Variants in NCOR2 observed in about 807,000 individuals in gnomAD.
The protein encoded by NCOR2 is nuclear receptor corepressor 2.
NCOR2 carries 81 observed loss-of-function variants against 262.9 expected under a neutral mutation model. That is an observed-to-expected ratio of 0.31 (90% CI 0.26 to 0.37). The LOEUF (loss-of-function observed/expected upper bound fraction) is 0.37. NCOR2 is among the 10% of genes least tolerant of loss of function. NCOR2 has a pLI of 1.00. For synonymous variants in NCOR2, 1,659 were observed against 1,559.3 expected (o/e 1.06, Z -1.51); for missense variants, 3,385 against 3,621.4 (o/e 0.93, Z 1.68).
chr12:124,543,549 G>A (rs910516178), intron 1 of NCOR2, among the ~76,000 whole-genome samples: 23 of 152,172 alleles, frequency 1.5e-4, no homozygotes, highest in African/African-American at 4.6e-4. Flanking sequence ...CCCCGACAGC[G>A]CCGTGGATTT....
In NCOR2 at chr12:124,457,748, C is replaced by T. The variant is rs1041462742; in HGVS notation, c.706-586G>A. Among the ~76,000 whole-genome samples the T allele has an allele frequency of 2.0e-5, 3 of 152,216 alleles. No individual in the cohort carries two copies. Among genetic ancestry groups the T allele is most frequent in the South Asian group, 2.1e-4 (1 of 4,830 alleles). On this transcript the variant is annotated intron_variant, in intron 5 of 46. Coordinates refer to ENST00000405201, the Ensembl canonical transcript of NCOR2. This position sits in a 1 kb window ranked among gnomAD's most constrained non-coding sequence, Gnocchi z 4.0. ...TGGGGACTTATTAGGAAAACAGGAA[C>T]ATGTGGCGCAGGGCTCGGTGGCCGC...
intron 13 of NCOR2, among the ~76,000 whole-genome samples, chr12:124,407,248 A>G (rs891745470): frequency 3.3e-5 from 5 of 152,252 alleles, no homozygotes; most frequent in African/African-American, 9.6e-5. Context: ...TAGGTTGACA[A>G]AGACAGGCCA....
intron 5 of NCOR2, among the ~76,000 whole-genome samples, chr12:124,461,129 G>A (rs1252023283): frequency 6.6e-6 from 1 of 152,254 alleles, no homozygotes; most frequent in Admixed American, 6.5e-5. Context: ...CAACCTGGGG[G>A]AGAAGGGAAA....
chr12:124,418,247 T>A (rs745996147), intron 13 of NCOR2, among the ~76,000 whole-genome samples: 2 of 152,090 alleles, frequency 1.3e-5, no homozygotes, highest in African/African-American at 4.8e-5. Context: ...CCTTCCACGA[T>A]CCCTGCGGAT....
chr12:124,499,596 A>C (rs939051538), upstream of NCOR2, among the ~76,000 whole-genome samples: 1 of 152,124 alleles, frequency 6.6e-6, no homozygotes, highest in African/African-American at 2.4e-5. Context: ...CTTGGGGGTG[A>C]GCCCCCGCCA....
chr12:124,383,352 C>T, intron 17 of NCOR2: 2 of 216,340 alleles, frequency 9.2e-6, no homozygotes, highest in African/African-American at 2.3e-5. Flanking sequence ...TGTGGCTGTG[C>T]CTGCACGCAC....
At chr12:124,380,231 G>A (rs1265452335) in intron 17 of NCOR2, among the ~76,000 whole-genome samples, 1 of 152,246 alleles carries the variant, frequency 6.6e-6, no homozygotes, top group Non-Finnish European at 1.5e-5. Context: ...GCCTCATGGA[G>A]GGGAGGAGAG....
chr12:124,382,154 G>T (rs988689876), intron 17 of NCOR2, among the ~76,000 whole-genome samples: 9 of 152,248 alleles, frequency 5.9e-5, no homozygotes, highest in Admixed American at 5.2e-4. Flanking sequence ...TCCTCCCTGG[G>T]ACTGAAAGGC....
rs375449858 is a variant in NCOR2 at position 124,336,933 on chromosome 12, G to A, written c.5935C>T (p.Arg1979Trp). The A allele has an allele frequency of 2.2e-5, 35 of 1,567,522 alleles. No homozygotes were observed. In the East Asian group the frequency reaches 4.5e-4, roughly 20 times the overall value. ...CCAGAGACAGGAGGCACTAGGGGCCGGGGCTCCGAGCCCTTGCTGGGGGAG... is the reference window on the plus strand; with the variant it reads ...CCAGAGACAGGAGGCACTAGGGGCCAGGGCTCCGAGCCCTTGCTGGGGGAG... The change falls in exon 38 of 47, where the codon CGG becomes TGG. Residue 1979 changes from arginine to tryptophan, a missense_variant. By Grantham distance (101) the Arg-to-Trp change is moderately radical. Around this residue, in one of 5 missense-constraint regions of NCOR2, gnomAD observed 1,017 missense variants for 967.2 expected, o/e 1.05. Coordinates refer to ENST00000405201, the Ensembl canonical transcript of NCOR2.
In NCOR2 at chr12:124,504,176, C is replaced by T. The variant is rs1017780646; in HGVS notation, c.-117-8808G>A. On this transcript the variant is annotated intron_variant, in intron 1 of 46. Coordinates refer to the NCOR2 transcript ENST00000404621. The surrounding 1 kb of genome is among the most constrained non-coding windows in gnomAD (Gnocchi z 4.5). ...TTCGAGGAGAAAGGCCGAGAGGACT[C>T]CAGCCTGGGAATCCTCCTCCTTGAC... Among the ~76,000 whole-genome samples the T allele has an allele frequency of 4.6e-5, 7 of 152,198 alleles. No homozygotes were observed. The highest frequency in any genetic ancestry group is 1.7e-4 in the African/African-American group (7 of 41,448).
intron 1 of NCOR2, among the ~76,000 whole-genome samples, chr12:124,487,187 G>A (rs1040178641): frequency 1.3e-5 from 2 of 152,226 alleles, no homozygotes; most frequent in African/African-American, 2.4e-5. Context: ...GGCAGGGTGG[G>A]TAAGTGATGC....
At chr12:124,338,754 C>G (rs1185105548) in intron 37 of NCOR2, among the ~76,000 whole-genome samples, 1 of 152,026 alleles carries the variant, frequency 6.6e-6, no homozygotes, top group Non-Finnish European at 1.5e-5. Context: ...GTCTCTCCCT[C>G]TCCACAGATT....
At chr12:124,527,532 C>T (rs1395538478) in intron 1 of NCOR2, among the ~76,000 whole-genome samples, 1 of 152,070 alleles carries the variant, frequency 6.6e-6, no homozygotes, top group East Asian at 1.9e-4. Context: ...ATTCTCCTGC[C>T]TCAGCCTCTC....
At chr12:124,439,464 G>C (rs1405611419) in intron 7 of NCOR2, among the ~76,000 whole-genome samples, 1 of 69,442 alleles carries the variant, frequency 1.4e-5, no homozygotes, top group Non-Finnish European at 3.3e-5. Context: ...CAGGGACCCA[G>C]AGAGAGGGAG....
At chr12:124,350,341 C>T (rs2135887252) in intron 28 of NCOR2, among the ~76,000 whole-genome samples, 1 of 152,300 alleles carries the variant, frequency 6.6e-6, no homozygotes, top group Non-Finnish European at 1.5e-5. Context: ...AGTTTCCCTC[C>T]TATGCTTCTA....
upstream of NCOR2, among the ~76,000 whole-genome samples, chr12:124,536,876 G>A (rs866723424): frequency 3.9e-5 from 6 of 152,248 alleles, no homozygotes; most frequent in South Asian, 2.1e-4. Context: ...ATGCACAATC[G>A]CAGAACAACT....
chr12:124,331,171 T>C (rs112395349), intron 43 of NCOR2, among the ~76,000 whole-genome samples: 2 of 151,624 alleles, frequency 1.3e-5, no homozygotes, highest in Non-Finnish European at 2.9e-5. Context: ...CAAGTGATTC[T>C]CCTGCCTCAG....
chr12:124,497,349 C>T (rs781545302), upstream of NCOR2, among the ~76,000 whole-genome samples: 16 of 152,206 alleles, frequency 1.1e-4, no homozygotes, highest in African/African-American at 3.4e-4. This position sits in a 1 kb window ranked among gnomAD's most constrained non-coding sequence, Gnocchi z 4.2. Flanking sequence ...GAACACGTCC[C>T]GCTCCACCAT....
intron 23 of NCOR2, 129 bp from the exon 26 acceptor site, chr12:124,355,700 A>G (rs2037895429): frequency 7.6e-7 from 1 of 1,323,032 alleles, no homozygotes; most frequent in South Asian, 1.6e-5. Context: ...GCACTCCTCT[A>G]TTGCCCTGCC....
Sources: gnomAD v4.1 joint callset for allele counts (sites outside exome capture counted in the v4.1 genomes callset) on GRCh38, gnomAD v4.1.1 for gene constraint, gnomAD v4.1.1 regional missense constraint, Gnocchi (gnomAD v3.1) non-coding constraint, MANE v1.5 for transcripts, NCBI Gene and HGNC (gene_info 2026-07-23, HGNC 2026-07-21) for gene names.